The following NPAS3 variants were observed in gnomAD, a reference collection of about 807,000 sequenced individuals.
NPAS3 encodes the protein neuronal PAS domain protein 3.
In NPAS3, 14 loss-of-function variants were observed where a neutral mutation model predicts 73.1. The ratio of observed to expected loss-of-function variants is 0.19; its 90% CI spans 0.13 to 0.30. The LOEUF is 0.30. Among genes scored for constraint, NPAS3 ranks in the 10% least tolerant of loss-of-function variants. The pLI, the probability that NPAS3 is intolerant of heterozygous loss-of-function variation, is 1.00. For missense variants in NPAS3, 1,096 were observed against 1,250.0 expected (o/e 0.88, Z 1.86); for synonymous variants, 620 against 541.5 (o/e 1.14, Z -2.01).
intron 3 of NPAS3, among the ~76,000 whole-genome samples, chr14:33,271,615 G>T (rs2041087709): frequency 6.6e-6 from 1 of 152,096 alleles, no homozygotes; most frequent in Non-Finnish European, 1.5e-5. Context: ...TGCTAATAAT[G>T]TAGAGATTTG....
chr14:33,025,452 A>T (rs929934004), intron 1 of NPAS3, among the ~76,000 whole-genome samples: 1 of 152,188 alleles, frequency 6.6e-6, no homozygotes, highest in Non-Finnish European at 1.5e-5. Context: ...TCATAGATAT[A>T]GTTCAGGTGT....
chr14:33,563,081 T>G (rs773451484), intron 5 of NPAS3, among the ~76,000 whole-genome samples: 5 of 152,176 alleles, frequency 3.3e-5, no homozygotes, highest in African/African-American at 4.8e-5. Context: ...AACTCTGTCA[T>G]CAAAGACTTG....
intron 2 of NPAS3, among the ~76,000 whole-genome samples, chr14:33,088,497 G>A (rs1183994517): frequency 6.6e-6 from 1 of 152,196 alleles, no homozygotes; most frequent in Non-Finnish European, 1.5e-5. Context: ...GGTTAGGGGT[G>A]CCCGCCATTG....
In NPAS3 at chr14:33,280,701, A is replaced by G. The variant is rs192273681; in HGVS notation, c.385+65275A>G. ...TGTTGTCAAGAAAGGAAGAAGGGGA[A>G]AAAACAGGTAACTTTTGAGAAAGTA... On this transcript the variant is annotated intron_variant, in intron 3 of 11. Transcript: ENST00000356141. 3.3e-4 allele frequency among the ~76,000 whole-genome samples: 51 copies of G among 152,342 alleles called. 1 individual carries two copies. The highest frequency in any genetic ancestry group is 3.4e-3 in the Middle Eastern group (1 of 294).
intron 2 of NPAS3, among the ~76,000 whole-genome samples, chr14:33,089,447 G>GA (rs2042148404): frequency 6.6e-6 from 1 of 152,070 alleles, no homozygotes; most frequent in South Asian, 2.1e-4. Context: ...GAAGTTTAGA[G>GA]AAAAAAGAGT....
chr14:33,167,689 G>C (rs560802187), intron 2 of NPAS3, among the ~76,000 whole-genome samples: 4 of 152,300 alleles, frequency 2.6e-5, no homozygotes, highest in African/African-American at 9.6e-5. Context: ...TGAGCAATAT[G>C]TTAAGAAACA....
chr14:33,081,337 C>G (rs1367272327), intron 2 of NPAS3, among the ~76,000 whole-genome samples: 1 of 151,990 alleles, frequency 6.6e-6, no homozygotes, highest in Admixed American at 6.5e-5. Context: ...ATTGAAATAT[C>G]TATCTGGTTT....
At chr14:33,304,831 A>G (rs2042695282) in intron 3 of NPAS3, among the ~76,000 whole-genome samples, 1 of 152,192 alleles carries the variant, frequency 6.6e-6, no homozygotes, top group African/African-American at 2.4e-5. Flanking sequence ...CAAATATTCC[A>G]AGGGTTGGTG....
At chr14:33,485,839 AT>A (rs138446827) in intron 4 of NPAS3, among the ~76,000 whole-genome samples, 10,996 of 148,848 alleles carry the variant, frequency 0.074, 1,277 homozygotes, top group African/African-American at 0.25. Flanking sequence ...TTGAATTTGC[AT>A]TTTTTTTTTC....
rs115123021 is a variant in NPAS3, at chr14:32,976,542, G to A, written c.50+37176G>A. Among the ~76,000 whole-genome samples, 989 of 152,182 alleles carry A rather than the reference G, an allele frequency of 6.5e-3. 14 individuals carry two copies. Among genetic ancestry groups the A allele is most frequent in the African/African-American group, 0.023 (940 of 41,510 alleles). ...TTCTAGAAAATGTCTTACTGATAGC[G>A]GTGCATGATCAAAGAAGTTTGGAGG... On this transcript the variant is annotated intron_variant, in intron 1 of 11. Coordinates refer to ENST00000356141, the Ensembl canonical transcript of NPAS3.
intron 5 of NPAS3, among the ~76,000 whole-genome samples, chr14:33,634,147 C>T (rs1420638001): frequency 6.6e-6 from 1 of 152,172 alleles, no homozygotes; most frequent in Admixed American, 6.5e-5. Context: ...TGGGTCAAAA[C>T]CACAAAATAT....
At position 33,779,293 on chromosome 14, in the gene NPAS3, C is replaced by T. The variant is rs538605994; in HGVS notation, c.1153+721C>T. Among the ~76,000 whole-genome samples the T allele has an allele frequency of 8.7e-4, 133 of 152,332 alleles. 1 individual carries two copies. The highest frequency in any genetic ancestry group is 1.0e-3 in the South Asian group (5 of 4,816). ...GGCTCCAGCAACACACCAGCAGAAC[C>T]ATGCAGGACCCCGCATCCAACCGCC... On this transcript the variant is annotated intron_variant, in intron 9 of 11. Coordinates refer to ENST00000356141, the Ensembl canonical transcript of NPAS3.
chr14:33,331,414 T>G (rs917939811), intron 3 of NPAS3, among the ~76,000 whole-genome samples: 57 of 152,320 alleles, frequency 3.7e-4, no homozygotes, highest in African/African-American at 1.2e-3. Flanking sequence ...ATGCGTTTCA[T>G]TACCATGAAA....
intron 1 of NPAS3, among the ~76,000 whole-genome samples, chr14:33,041,231 A>G (rs2040338335): frequency 6.6e-6 from 1 of 152,194 alleles, no homozygotes; most frequent in Non-Finnish European, 1.5e-5. Context: ...ATATCTAATG[A>G]AAATAAGGTG....
chr14:33,801,126 GGCC>G, downstream of NPAS3: 4 of 1,555,968 alleles, frequency 2.6e-6, no homozygotes, highest in Admixed American at 3.9e-5. Flanking sequence ...GCCCGTCCTG[GGCC>G]CGGCCAGGCC....
chr14:33,715,925 T>C (rs2060945449), intron 6 of NPAS3, among the ~76,000 whole-genome samples: 1 of 152,204 alleles, frequency 6.6e-6, no homozygotes, highest in Non-Finnish European at 1.5e-5. Context: ...CCTTCTGTCA[T>C]GTAAGTCATG....
chr14:33,375,579 A>G (rs559735079), intron 4 of NPAS3, among the ~76,000 whole-genome samples: 2 of 152,306 alleles, frequency 1.3e-5, no homozygotes, highest in South Asian at 2.1e-4. Context: ...CACCTTATCA[A>G]TTGAGCTATA....
chr14:33,427,044 G>A (rs191324327), intron 4 of NPAS3, among the ~76,000 whole-genome samples: 1 of 152,042 alleles, frequency 6.6e-6, no homozygotes, highest in Non-Finnish European at 1.5e-5. Context: ...ATCTTGGTAA[G>A]CCATATGTAT....
chr14:33,377,777 T>C (rs1011573099), intron 4 of NPAS3, among the ~76,000 whole-genome samples: 1 of 152,106 alleles, frequency 6.6e-6, no homozygotes, highest in Admixed American at 6.5e-5. Flanking sequence ...CAATAGTAAA[T>C]GGGGACTTTC....
Sources: allele counts gnomAD v4.1 joint callset (sites outside exome capture counted in the v4.1 genomes callset), GRCh38; gene constraint gnomAD v4.1.1; transcripts MANE v1.5; gene names NCBI Gene and HGNC (gene_info 2026-07-23, HGNC 2026-07-21).